NAA35: variants seen among roughly 807,000 people sequenced by gnomAD.
NAA35 encodes the protein MAK10 homolog, amino-acid N-acetyltransferase subunit.
NAA35 carries 18 observed loss-of-function variants against 101.7 expected under a neutral mutation model. The observed-to-expected ratio is 0.18, with a 90% CI of 0.12 to 0.26. The LOEUF is 0.26. NAA35 is among the 10% of genes least tolerant of loss of function. NAA35 has a pLI of 1.00. For synonymous variants in NAA35, 267 were observed against 273.1 expected (o/e 0.98, Z 0.22); for missense variants, 601 against 886.8 (o/e 0.68, Z 4.09).
intron 11 of NAA35, among the ~76,000 whole-genome samples, chr9:85,991,276 A>C (rs1830899507): frequency 6.6e-6 from 1 of 152,070 alleles, no homozygotes; most frequent in East Asian, 1.9e-4. Flanking sequence ...CTGGCAGAGT[A>C]GGGTGGTGAA....
At chr9:85,999,331 C>T (rs1002443060) in intron 12 of NAA35, among the ~76,000 whole-genome samples, 2 of 152,146 alleles carry the variant, frequency 1.3e-5, no homozygotes, top group Non-Finnish European at 2.9e-5. Flanking sequence ...CATGAATATA[C>T]ATTTGTGTTC....
chr9:85,974,912 C>G, intron 6 of NAA35, 55 bp from the exon 7 acceptor site: 3 of 1,234,146 alleles, frequency 2.4e-6, no homozygotes, highest in Non-Finnish European at 3.5e-6. Context: ...TTATATTTTG[C>G]CGCTATTTAA....
rs545878815 is a variant in NAA35 at position 86,004,190 on chromosome 9, C to T, written c.1116+546C>T. Among the ~76,000 whole-genome samples the T allele has an allele frequency of 9.1e-4, 139 of 152,192 alleles. 1 individual carries two copies. The highest frequency in any genetic ancestry group is 3.2e-3 in the African/African-American group (133 of 41,550). ...CATGCTCTTGGCTAACTGCAATCTC[C>T]GCCTCCCGGGTTCAAGTGATTCTTG... On this transcript the variant is annotated intron_variant, in intron 13 of 22. Transcript: ENST00000361671.
intron 2 of NAA35, among the ~76,000 whole-genome samples, chr9:85,953,217 ATTTTTTT>A (rs750967213): frequency 2.4e-5 from 3 of 126,008 alleles, no homozygotes; most frequent in South Asian, 5.1e-4. Context: ...GCCTCAAGAG[ATTTTTTT>A]TTTTTTTTTT....
intron 12 of NAA35, among the ~76,000 whole-genome samples, chr9:86,000,983 GGTT>G (rs1423473375): frequency 6.6e-6 from 1 of 151,922 alleles, no homozygotes; most frequent in African/African-American, 2.4e-5. Flanking sequence ...TGTGAAGTTA[GGTT>G]GTTTGAGATC....
At chr9:85,951,181 A>G (rs1205593341) in intron 2 of NAA35, among the ~76,000 whole-genome samples, 5 of 152,176 alleles carry the variant, frequency 3.3e-5, no homozygotes, top group African/African-American at 1.2e-4. Flanking sequence ...TAACATAAAT[A>G]ACATTTTTAA....
At position 86,024,691 on chromosome 9, in the gene NAA35, C is replaced by T. The variant is rs981074573; in HGVS notation, c.*2731C>T. Among the ~76,000 whole-genome samples the T allele has an allele frequency of 6.6e-6, 1 of 152,096 alleles. No individual in the cohort carries two copies. Among genetic ancestry groups the T allele is most frequent in the Non-Finnish European group, 1.5e-5 (1 of 68,020 alleles). ...AATTTTTTTGGCTTTGGCAACTAGA[C>T]GATGGTGGTGCCACTTGTGTAGATA... is the stretch of plus-strand genomic sequence containing the variant. On this transcript the variant is annotated 3_prime_UTR_variant, in exon 23 of 23. Coordinates refer to ENST00000361671, the MANE Select transcript of NAA35 (RefSeq NM_024635.4).
chr9:85,941,525 C>T, intron 1 of NAA35: 1 of 985,726 alleles, frequency 1.0e-6, no homozygotes. Flanking sequence ...ACAGCTCTGT[C>T]CTTGCTTATG....
chr9:85,984,024 C>CA (rs146695687), intron 11 of NAA35, among the ~76,000 whole-genome samples: 14,486 of 102,952 alleles, frequency 0.14, 1,179 homozygotes, highest in African/African-American at 0.26. Flanking sequence ...AAAATAGAAG[C>CA]AAAAAAAAAA....
intron 11 of NAA35, among the ~76,000 whole-genome samples, chr9:85,981,406 G>A (rs1215971624): frequency 6.6e-6 from 1 of 152,318 alleles, no homozygotes; most frequent in Admixed American, 6.5e-5. Context: ...TCTTCCAGAT[G>A]ATTGGAATCT....
intron 11 of NAA35, among the ~76,000 whole-genome samples, chr9:85,995,755 A>C (rs1831128173): frequency 6.6e-6 from 1 of 152,194 alleles, no homozygotes; most frequent in Non-Finnish European, 1.5e-5. Flanking sequence ...CAAGTTGAGA[A>C]AGACTTAGTT....
chr9:85,949,386 C>G (rs532113078), intron 2 of NAA35, among the ~76,000 whole-genome samples: 1 of 152,006 alleles, frequency 6.6e-6, no homozygotes, highest in South Asian at 2.1e-4. Flanking sequence ...CCTCCACCTC[C>G]CAGGTTCAAG....
rs73474719 is a variant in NAA35, at chr9:85,968,800, T to C, written c.517-6167T>C. On this transcript the variant is annotated intron_variant, in intron 6 of 22. Coordinates refer to ENST00000361671, the MANE Select transcript of NAA35 (RefSeq NM_024635.4). ...CCCCAACTAGTAATCTAAAAGCTGG[T>C]TAAATCATTATGGAGCATCAATGTT... is the stretch of plus-strand genomic sequence containing the variant. Among the ~76,000 whole-genome samples the C allele has an allele frequency of 8.3e-3, 1,265 of 152,308 alleles. 23 individuals carry two copies. The highest frequency in any genetic ancestry group is 0.029 in the African/African-American group (1,220 of 41,558).
intron 22 of NAA35, among the ~76,000 whole-genome samples, chr9:86,021,371 T>C (rs987748746): frequency 6.6e-6 from 1 of 152,320 alleles, no homozygotes; most frequent in Admixed American, 6.5e-5. Context: ...TTCTTGGTAA[T>C]GTTATATCAT....
At chr9:85,946,168 T>C (rs1484884732) in intron 2 of NAA35, among the ~76,000 whole-genome samples, 1 of 151,990 alleles carries the variant, frequency 6.6e-6, no homozygotes, top group Non-Finnish European at 1.5e-5. Flanking sequence ...GTTAGGGTTT[T>C]GCTGTGTCAC....
At chr9:85,968,070 T>C (rs999332299) in intron 6 of NAA35, among the ~76,000 whole-genome samples, 1 of 152,204 alleles carries the variant, frequency 6.6e-6, no homozygotes, top group African/African-American at 2.4e-5. Flanking sequence ...TATTTTGCTT[T>C]GGCTTGCAGA....
chr9:86,003,757 G>T, intron 13 of NAA35, 113 bp downstream of exon 13: 3 of 564,540 alleles, frequency 5.3e-6, no homozygotes, highest in South Asian at 3.6e-5. Context: ...TCCAGTTAGT[G>T]TTGTGTATTT....
chr9:85,978,293 A>AT lies in NAA35; in HGVS notation c.791dup (p.Leu264PhefsTer14). ...CCAGTGCTGTTGCAGAAGCTCAAAAATTGATGGTTCAAGCAGCAGATCTTC... is the reference window on the plus strand; with the variant it reads ...CCAGTGCTGTTGCAGAAGCTCAAAAATTTGATGGTTCAAGCAGCAGATCTTC... On this transcript the variant is annotated frameshift_variant, in exon 11 of 23. Coordinates refer to ENST00000361671, the MANE Select transcript of NAA35 (RefSeq NM_024635.4). LOFTEE classifies it high-confidence loss of function. The AT allele has an allele frequency of 6.2e-7, 1 of 1,613,180 alleles. No individual in the cohort carries two copies. Among genetic ancestry groups the AT allele is most frequent in the Non-Finnish European group, 8.5e-7 (1 of 1,179,298 alleles).
Position 85,959,816 on chromosome 9 carries a change from T to A in NAA35, c.297T>A (p.Asp99Glu). The change falls in exon 5 of 23, where the codon GAT (aspartate) becomes GAA (glutamate). Residue 99 changes from aspartate (D) to glutamate (E), a missense_variant. By Grantham distance (45) the Asp-to-Glu change is conservative (BLOSUM62 2). Around this residue, in one of 8 missense-constraint regions of NAA35, gnomAD observed 42 missense variants for 41.2 expected, o/e 1.02. Coordinates refer to ENST00000361671, the MANE Select transcript of NAA35 (RefSeq NM_024635.4). ...AIKDGTIKIK[D>E]LTLPELIGIM... ...AGGATGGCACTATTAAAATTAAAGA[T>A]CTCACCTTGCCTGAACTGATAGGGA... The A allele has an allele frequency of 6.2e-7, 1 of 1,609,870 alleles. No homozygotes were observed. The highest frequency in any genetic ancestry group is 1.7e-5 in the Admixed American group (1 of 58,914).
Sources: allele counts gnomAD v4.1 joint callset (sites outside exome capture counted in the v4.1 genomes callset), GRCh38; gene constraint gnomAD v4.1.1; regional missense constraint gnomAD v4.1.1; transcripts MANE v1.5; gene names NCBI Gene and HGNC (gene_info 2026-07-23, HGNC 2026-07-21).